Variants in CTNNA3 observed in about 807,000 individuals in gnomAD.
CTNNA3 encodes catenin alpha-3.
CTNNA3 carries 76 observed loss-of-function variants against 95.7 expected under a neutral mutation model. The ratio of observed to expected loss-of-function variants is 0.79; its 90% confidence interval spans 0.66 to 0.96. The LOEUF (loss-of-function observed/expected upper bound fraction) is 0.96, where lower values mean the gene tolerates loss of function less well. CTNNA3 is among the 40% of genes least tolerant of loss of function. The probability of loss-of-function intolerance (pLI) is 0.00; values close to 1 mark genes in which losing one functional copy is unlikely to be tolerated. For missense variants in CTNNA3, 1,191 were observed against 1,089.8 expected, an observed-to-expected ratio of 1.09 and a Z score of -1.31; for synonymous variants, 431 against 374.4, an observed-to-expected ratio of 1.15 and a Z score of -1.74.
At chr10:66,552,960 G>A (rs1430015618) in intron 10 of CTNNA3, among the ~76,000 whole-genome samples, 1 of 150,694 alleles carries the variant, frequency 6.6e-6, no homozygotes, top group Non-Finnish European at 1.5e-5. Context: ...AAAATATGCT[G>A]AGTGATTTTT....
At chr10:66,367,411 C>A (rs1042509580) in intron 12 of CTNNA3, among the ~76,000 whole-genome samples, 3 of 151,502 alleles carry the variant, frequency 2.0e-5, no homozygotes, top group African/African-American at 7.3e-5. Flanking sequence ...CAAAAGAAAT[C>A]AATCATTGAC....
chr10:66,685,034 T>G (rs4462226), intron 9 of CTNNA3, among the ~76,000 whole-genome samples: 82,985 of 150,106 alleles, frequency 0.55, 23,633 homozygotes, highest in African/African-American at 0.68. Flanking sequence ...AGCTATTGGT[T>G]TGAATTATTG....
At chr10:65,937,516 T>C (rs1226250799) in intron 17 of CTNNA3, among the ~76,000 whole-genome samples, 1 of 152,166 alleles carries the variant, frequency 6.6e-6, no homozygotes, top group Non-Finnish European at 1.5e-5. Flanking sequence ...CACTGTTCTT[T>C]AAGACTCAGC....
rs144397170 is a variant in CTNNA3 at position 65,981,946 on chromosome 10, CTG to C, written c.2265+6744_2265+6745del. Among the ~76,000 whole-genome samples the C allele has an allele frequency of 3.3e-4, 50 of 151,786 alleles. No individual in the cohort carries two copies. The East Asian group carries it at 8.5e-3, about 26-fold the overall frequency. On this transcript the variant is annotated intron_variant, in intron 16 of 17. Transcript: ENST00000433211. ...CTAGACACTGGTTTCGGCAAAGACT[CTG>C]TGACCAAGAACCCAACAGCAAATGC...
intron 7 of CTNNA3, among the ~76,000 whole-genome samples, chr10:67,161,055 A>C (rs905327312): frequency 5.3e-5 from 8 of 152,190 alleles, no homozygotes; most frequent in African/African-American, 1.9e-4. Flanking sequence ...TTGCCATTCA[A>C]CAGGTATAAA....
At chr10:67,206,130 A>G (rs963575438) in intron 6 of CTNNA3, among the ~76,000 whole-genome samples, 1 of 152,208 alleles carries the variant, frequency 6.6e-6, no homozygotes, top group Non-Finnish European at 1.5e-5. Flanking sequence ...GATAAAGGCA[A>G]TTAGTGAACA....
intron 1 of CTNNA3, among the ~76,000 whole-genome samples, chr10:67,726,402 T>TAATATATATATGAAATTATA (rs1564841090): frequency 2.3e-5 from 1 of 44,038 alleles, no homozygotes; most frequent in Non-Finnish European, 3.3e-5. Context: ...ATATTATATA[T>TAATATATATATGAAATTATA]TATATCATAT....
intron 7 of CTNNA3, among the ~76,000 whole-genome samples, chr10:66,987,947 T>C (rs1485273959): frequency 6.6e-6 from 1 of 152,174 alleles, no homozygotes; most frequent in African/African-American, 2.4e-5. Flanking sequence ...TTTAAAAACA[T>C]TTCTATCATA....
At chr10:66,431,424 C>T (rs35462499) in intron 11 of CTNNA3, among the ~76,000 whole-genome samples, 3 of 151,866 alleles carry the variant, frequency 2.0e-5, no homozygotes, top group Non-Finnish European at 4.4e-5. Context: ...ATAAAACATG[C>T]TGCTATAAAG....
At chr10:67,251,353 A>G (rs1866102490) in intron 5 of CTNNA3, among the ~76,000 whole-genome samples, 1 of 152,188 alleles carries the variant, frequency 6.6e-6, no homozygotes, top group Non-Finnish European at 1.5e-5. Context: ...GCTAATGGGT[A>G]CAGGGTTGCT....
intron 10 of CTNNA3, among the ~76,000 whole-genome samples, chr10:66,588,438 A>G (rs1023179955): frequency 2.6e-5 from 4 of 151,790 alleles, no homozygotes; most frequent in Non-Finnish European, 5.9e-5. Context: ...GCAGGCTAAC[A>G]ATGCCTCCAA....
chr10:66,133,517 AAAAAAAC>A (rs1012418115), intron 13 of CTNNA3, among the ~76,000 whole-genome samples: 5 of 151,944 alleles, frequency 3.3e-5, no homozygotes, highest in Non-Finnish European at 7.4e-5. Flanking sequence ...TGTCTTAAAA[AAAAAAAC>A]AAAAAACAAA....
At chr10:65,990,748 T>A (rs1420916249) in intron 15 of CTNNA3, among the ~76,000 whole-genome samples, 3 of 152,024 alleles carry the variant, frequency 2.0e-5, no homozygotes, top group Admixed American at 6.5e-5. Context: ...TTTCTTTTGA[T>A]GTGCAGAAGC....
At chr10:67,563,173 C>T (rs1172404058) in intron 3 of CTNNA3, among the ~76,000 whole-genome samples, 3 of 152,110 alleles carry the variant, frequency 2.0e-5, no homozygotes, top group African/African-American at 7.2e-5. Context: ...AAAGAGCCCG[C>T]ATCGCCAAGA....
At chr10:67,419,464 G>A (rs1177676015) in intron 5 of CTNNA3, among the ~76,000 whole-genome samples, 1 of 151,608 alleles carries the variant, frequency 6.6e-6, no homozygotes, top group Non-Finnish European at 1.5e-5. Context: ...CGTCACCCTG[G>A]TAGTGAGCAT....
intron 5 of CTNNA3, among the ~76,000 whole-genome samples, chr10:67,387,793 G>T (rs1451718100): frequency 3.3e-5 from 5 of 152,336 alleles, no homozygotes; most frequent in South Asian, 4.1e-4. Flanking sequence ...CCCTCCAGCA[G>T]GAGCACACTG....
At chr10:66,926,431 T>C in intron 7 of CTNNA3, 1 of 755,678 alleles carries the variant, frequency 1.3e-6, no homozygotes, top group Non-Finnish European at 2.3e-6. Context: ...AGAATAATGT[T>C]CCAAAATCGG....
intron 5 of CTNNA3, among the ~76,000 whole-genome samples, chr10:67,519,136 A>G (rs780421058): frequency 3.9e-5 from 6 of 152,124 alleles, no homozygotes; most frequent in Non-Finnish European, 8.8e-5. Flanking sequence ...AATAAATACT[A>G]AGTTCAGACC....
intron 7 of CTNNA3, among the ~76,000 whole-genome samples, chr10:66,838,252 T>C (rs573142684): frequency 6.6e-6 from 1 of 152,204 alleles, no homozygotes. Context: ...ACAGTGGATA[T>C]CATAGAAAGC....
Sources: gnomAD v4.1 joint callset for allele counts (sites outside exome capture counted in the v4.1 genomes callset) on GRCh38, gnomAD v4.1.1 for gene constraint, MANE v1.5 for transcripts, NCBI Gene and HGNC (gene_info 2026-07-23, HGNC 2026-07-21) for gene names.